Variants in PDE1A observed in about 807,000 individuals in gnomAD.
The protein encoded by PDE1A is dual specificity calcium/calmodulin-dependent 3',5'-cyclic nucleotide phosphodiesterase 1A.
In PDE1A, 35 loss-of-function variants were observed where a neutral mutation model predicts 61.7. The observed-to-expected ratio is 0.57, with a 90% CI of 0.43 to 0.75. PDE1A has a LOEUF of 0.75. PDE1A is among the 30% of genes least tolerant of loss of function. PDE1A has a pLI of 0.00. For missense variants in PDE1A, 597 were observed against 630.6 expected (o/e 0.95, Z 0.57); for synonymous variants, 232 against 213.2 (o/e 1.09, Z -0.77).
intron 1 of PDE1A, among the ~76,000 whole-genome samples, chr2:182,413,066 A>C (rs1163865308): frequency 6.6e-6 from 1 of 152,200 alleles, no homozygotes; most frequent in East Asian, 1.9e-4. Flanking sequence ...GAGTAGACAA[A>C]GGCTTAGGAA....
chr2:182,365,637 C>CCT (rs1251009954), intron 1 of PDE1A, among the ~76,000 whole-genome samples: 2 of 151,710 alleles, frequency 1.3e-5, no homozygotes, highest in African/African-American at 4.8e-5. Context: ...TCTCCTTACT[C>CCT]CTCTCTCTCT....
At chr2:182,699,571 A>G in the PDE1A span, among the ~76,000 whole-genome samples, 1 of 152,054 alleles carries the variant, frequency 6.6e-6, no homozygotes, top group Non-Finnish European at 1.5e-5. Flanking sequence ...TACCTCTTCA[A>G]AAAAAATAGA....
intron 2 of PDE1A, among the ~76,000 whole-genome samples, chr2:182,480,777 G>A (rs1358648494): frequency 6.6e-6 from 1 of 151,844 alleles, no homozygotes; most frequent in East Asian, 1.9e-4. Context: ...TGCCACACAT[G>A]TGCATGTACA....
the PDE1A span, among the ~76,000 whole-genome samples, chr2:182,532,453 G>T: frequency 5.3e-3 from 800 of 152,174 alleles, 3 homozygotes; most frequent in Admixed American, 8.0e-3. Flanking sequence ...GTATGATTCC[G>T]ATTATATGAA....
In PDE1A at chr2:182,278,751, G is replaced by A. The variant is rs185114557; in HGVS notation, c.54-14337C>T. Among the ~76,000 whole-genome samples, 1,207 of 152,094 alleles carry A rather than the reference G, an allele frequency of 7.9e-3. 13 individuals carry two copies. The highest frequency in any genetic ancestry group is 0.037 in the South Asian group (180 of 4,824). On this transcript the variant is annotated intron_variant, in intron 1 of 13. Transcript: ENST00000351439. ...CCAGAAGGAGCCTTCACTCTGGTAA[G>A]TTCAACCCTGTTCTCTATAGTAGCC...
At chr2:182,690,016 T>G in the PDE1A span, among the ~76,000 whole-genome samples, 1 of 151,992 alleles carries the variant, frequency 6.6e-6, no homozygotes, top group East Asian at 1.9e-4. Flanking sequence ...AATAACAGGC[T>G]CTGAAATTGA....
chr2:182,482,508 C>A (rs1687766052), intron 2 of PDE1A, among the ~76,000 whole-genome samples: 1 of 150,950 alleles, frequency 6.6e-6, no homozygotes, highest in African/African-American at 2.4e-5. Context: ...AAACAGTCTC[C>A]ACAAAAAAAA....
At chr2:182,214,371 A>C (rs1687964254) in intron 7 of PDE1A, among the ~76,000 whole-genome samples, 1 of 151,952 alleles carries the variant, frequency 6.6e-6, no homozygotes, top group Non-Finnish European at 1.5e-5. Context: ...GAGCAAAATA[A>C]CCAGCCAACA....
chr2:182,312,397 CTCTTA>C (rs1054401345), intron 1 of PDE1A, among the ~76,000 whole-genome samples: 5 of 152,064 alleles, frequency 3.3e-5, no homozygotes, highest in African/African-American at 9.7e-5. Flanking sequence ...CAAGGCTCTT[CTCTTA>C]TAATTTCTCC....
intron 2 of PDE1A, among the ~76,000 whole-genome samples, chr2:182,447,918 T>C (rs1685248852): frequency 6.6e-6 from 1 of 152,132 alleles, no homozygotes; most frequent in East Asian, 1.9e-4. Context: ...TGGATGTTTC[T>C]GATGAGCACA....
intron 1 of PDE1A, among the ~76,000 whole-genome samples, chr2:182,285,121 C>A (rs562472750): frequency 6.6e-6 from 1 of 152,234 alleles, no homozygotes; most frequent in South Asian, 2.1e-4. Context: ...CAGTGCCTGC[C>A]TTCCACCCAT....
the PDE1A span, among the ~76,000 whole-genome samples, chr2:182,676,226 C>T: frequency 2.0e-5 from 3 of 151,906 alleles, no homozygotes; most frequent in South Asian, 2.1e-4. Context: ...AAATGACAAA[C>T]GGGACATTAC....
At chr2:182,460,941 G>A (rs1206124058) in intron 2 of PDE1A, among the ~76,000 whole-genome samples, 1 of 152,050 alleles carries the variant, frequency 6.6e-6, no homozygotes. Context: ...GTATTACAAG[G>A]AAAACAAAAG....
chr2:182,462,841 A>G (rs1686397930), intron 2 of PDE1A, among the ~76,000 whole-genome samples: 2 of 152,190 alleles, frequency 1.3e-5, no homozygotes, highest in Admixed American at 1.3e-4. Flanking sequence ...ATAAAAGTAA[A>G]AAGGGATGAT....
chr2:182,469,141 T>C (rs1686865104), intron 2 of PDE1A, among the ~76,000 whole-genome samples: 1 of 151,930 alleles, frequency 6.6e-6, no homozygotes, highest in African/African-American at 2.4e-5. Flanking sequence ...TTACCCAGGC[T>C]TTTGAAGCTT....
intron 8 of PDE1A, among the ~76,000 whole-genome samples, chr2:182,205,119 C>A (rs537467377): frequency 1.3e-5 from 2 of 151,974 alleles, no homozygotes; most frequent in South Asian, 2.1e-4. Flanking sequence ...AATTGGAAAC[C>A]TTTTCTAGTC....
chr2:182,199,698 G>C (rs1299840504), intron 10 of PDE1A, among the ~76,000 whole-genome samples: 2 of 151,924 alleles, frequency 1.3e-5, no homozygotes, highest in Non-Finnish European at 2.9e-5. Flanking sequence ...GAATTTGGTA[G>C]GTTTTTACAT....
chr2:182,189,144 G>A, intron 10 of PDE1A, 84 bp from the exon 11 acceptor site: 1 of 738,474 alleles, frequency 1.4e-6, no homozygotes, highest in Non-Finnish European at 2.2e-6. Context: ...GCCTAGAAAA[G>A]CCACATCTTT....
chr2:182,622,773 G>A, the PDE1A span, among the ~76,000 whole-genome samples: 64 of 152,232 alleles, frequency 4.2e-4, no homozygotes, highest in East Asian at 8.9e-3. Context: ...GACTCTGAGA[G>A]CCTGGTGAAA....
Sources: allele counts gnomAD v4.1 joint callset (sites outside exome capture counted in the v4.1 genomes callset), GRCh38; gene constraint gnomAD v4.1.1; transcripts MANE v1.5; gene names NCBI Gene and HGNC (gene_info 2026-07-23, HGNC 2026-07-21).